The following DCBLD2 variants were observed in gnomAD, a reference collection of about 807,000 sequenced individuals.
DCBLD2 encodes discoidin, CUB and LCCL domain containing 2.
A neutral mutation model predicts 86.8 loss-of-function variants in DCBLD2; 54 were observed. That is an observed-to-expected ratio of 0.62 (90% CI 0.50 to 0.78). DCBLD2 has a LOEUF of 0.78. DCBLD2 is among the 30% of genes least tolerant of loss of function. The probability of loss-of-function intolerance (pLI) is 0.00; values close to 1 mark genes in which losing one functional copy is unlikely to be tolerated. For missense variants in DCBLD2, 908 were observed against 954.2 expected (o/e 0.95, Z 0.64); for synonymous variants, 354 against 341.3 (o/e 1.04, Z -0.41).
intron 2 of DCBLD2, among the ~76,000 whole-genome samples, chr3:98,880,508 C>T (rs370246028): frequency 6.6e-5 from 10 of 152,230 alleles, no homozygotes; most frequent in African/African-American, 2.2e-4. Context: ...TCCCAGGAAG[C>T]GTTTAAGATA....
rs148839492 is a variant in DCBLD2, at chr3:98,881,572, T to C, written c.401A>G (p.Tyr134Cys). The C allele has an allele frequency of 6.2e-7, 1 of 1,613,986 alleles. No homozygotes were observed. Among genetic ancestry groups the C allele is most frequent in the Non-Finnish European group, 8.5e-7 (1 of 1,179,888 alleles). Residue 134 changes from tyrosine to cysteine, a missense_variant, in exon 2 of 16, where the codon TAT becomes TGT. Physicochemically the swap from Tyr to Cys is radical, Grantham distance 194. Coordinates refer to ENST00000326840, the MANE Select transcript of DCBLD2 (RefSeq NM_080927.4). ...AGTTCTGCTGACTCCAATTCCATTA[T>C]AAATTCTCAAGTAATTAAAGTGACA... ...DSCHFNYLRIYNGIGVSRTEI... is the reference protein window; with the variant it reads ...DSCHFNYLRICNGIGVSRTEI...
At chr3:98,801,128 A>AG (rs889682329) in intron 14 of DCBLD2, among the ~76,000 whole-genome samples, 3 of 152,302 alleles carry the variant, frequency 2.0e-5, no homozygotes, top group South Asian at 2.1e-4. Flanking sequence ...AGAAACTGGT[A>AG]GGGGGGCCCC....
chr3:98,887,825 AC>A (rs1470917392), intron 1 of DCBLD2, among the ~76,000 whole-genome samples: 1 of 151,982 alleles, frequency 6.6e-6, no homozygotes, highest in Non-Finnish European at 1.5e-5. Context: ...TGATGAACCT[AC>A]ACTGACACAT....
intron 12 of DCBLD2, among the ~76,000 whole-genome samples, chr3:98,808,978 T>C (rs1354125852): frequency 6.6e-6 from 1 of 152,010 alleles, no homozygotes; most frequent in East Asian, 1.9e-4. Flanking sequence ...GAGAAAATAA[T>C]CCAGCAATTG....
chr3:98,889,734 A>G (rs1225588732), intron 1 of DCBLD2, among the ~76,000 whole-genome samples: 1 of 152,038 alleles, frequency 6.6e-6, no homozygotes, highest in Admixed American at 6.6e-5. Context: ...TACTCTATGG[A>G]CAGTTTTAAC....
intron 3 of DCBLD2, 60 bp from the exon 4 acceptor site, chr3:98,825,426 T>TCCAAA: frequency 1.6e-6 from 2 of 1,271,952 alleles, no homozygotes; most frequent in Non-Finnish European, 2.1e-6. Context: ...TTGCTGAAAC[T>TCCAAA]CCAAGTGTCT....
intron 1 of DCBLD2, among the ~76,000 whole-genome samples, chr3:98,894,075 A>G (rs148412138): frequency 1.3e-3 from 191 of 152,290 alleles, no homozygotes; most frequent in Non-Finnish European, 1.8e-3. Context: ...AAGATCACGG[A>G]AAGAGCATTG....
intron 1 of DCBLD2, among the ~76,000 whole-genome samples, chr3:98,893,812 G>A (rs1054109430): frequency 6.6e-6 from 1 of 152,166 alleles, no homozygotes; most frequent in Non-Finnish European, 1.5e-5. Flanking sequence ...AGAGGACAAG[G>A]TTTCAGTCAG....
chr3:98,876,763 C>T (rs1203275791), intron 2 of DCBLD2, among the ~76,000 whole-genome samples: 1 of 152,156 alleles, frequency 6.6e-6, no homozygotes, highest in Non-Finnish European at 1.5e-5. Context: ...GCAACCAATA[C>T]AACCATTCAT....
chr3:98,819,387 C>T lies in DCBLD2; in HGVS notation c.902G>A (p.Gly301Asp). The T allele has an allele frequency of 6.2e-7, 1 of 1,613,732 alleles. No individual in the cohort carries two copies. The highest frequency in any genetic ancestry group is 8.5e-7 in the Non-Finnish European group (1 of 1,179,732). ...GCYGTLGMES[G>D]VIADPQITAS... The stretch of plus-strand genomic sequence containing the variant: ...TGTTATTTGAGGATCCGCGATCACA[C>T]CAGACTCCATCCCCAGTGTTCCATA... The change falls in exon 8 of 16, where the codon GGT becomes GAT. Residue 301 changes from glycine to aspartate, a missense_variant. This residue lies in a region of DCBLD2 where 606 missense variants were observed against 678.5 expected (regional missense o/e 0.89). Transcript: ENST00000326840.
At chr3:98,803,285 T>A (rs1450656757) in intron 13 of DCBLD2, among the ~76,000 whole-genome samples, 3 of 152,336 alleles carry the variant, frequency 2.0e-5, no homozygotes, top group Non-Finnish European at 2.9e-5. Flanking sequence ...GTTGGATTCC[T>A]AGGTATTTTA....
At chr3:98,849,105 A>G (rs142256315) in intron 3 of DCBLD2, among the ~76,000 whole-genome samples, 264 of 151,558 alleles carry the variant, frequency 1.7e-3, no homozygotes, top group Admixed American at 6.4e-3. Flanking sequence ...GGAGGTGGAG[A>G]TTGCGGTGAG....
At chr3:98,832,854 G>T (rs1055247674) in intron 3 of DCBLD2, among the ~76,000 whole-genome samples, 1 of 152,080 alleles carries the variant, frequency 6.6e-6, no homozygotes, top group Non-Finnish European at 1.5e-5. Flanking sequence ...TTTCTCTCTA[G>T]CTGCCTTTAA....
Position 98,901,153 on chromosome 3 carries a change from GAGC to G in DCBLD2, c.171_173del (p.Leu61del). On this transcript the variant is annotated inframe_deletion, in exon 1 of 16. Coordinates refer to ENST00000326840, the MANE Select transcript of DCBLD2 (RefSeq NM_080927.4). ...GGGCTCCAGCGTCCTCGAGCAGCAG[GAGC>G]AGGACAAGTAAGAGCAGGAGGAACA... The G allele has an allele frequency of 1.3e-6, 2 of 1,538,922 alleles. No individual in the cohort carries two copies. Among genetic ancestry groups the G allele is most frequent in the Non-Finnish European group, 1.7e-6 (2 of 1,146,780 alleles).
chr3:98,807,327 T>A (rs1409597464), intron 13 of DCBLD2, among the ~76,000 whole-genome samples: 1 of 152,134 alleles, frequency 6.6e-6, no homozygotes, highest in African/African-American at 2.4e-5. Flanking sequence ...TAACCCCCGT[T>A]AGAAAGTGGG....
rs962769937 is a variant in DCBLD2, at chr3:98,866,120, C to T, written c.433+15420G>A. The stretch of plus-strand genomic sequence containing the variant: ...AATCCAGTCTATCATTGATGGACAT[C>T]TGGGTTGGTTCCAAGTCTTTGCTAT... On this transcript the variant is annotated intron_variant, in intron 2 of 15. Coordinates refer to ENST00000326840, the MANE Select transcript of DCBLD2 (RefSeq NM_080927.4). Among the ~76,000 whole-genome samples, 43 of 152,068 alleles carry T rather than the reference C, an allele frequency of 2.8e-4. No individual in the cohort carries two copies. In the Middle Eastern group the frequency reaches 0.01, roughly 36 times the overall value.
chr3:98,842,552 T>C (rs545027975), intron 3 of DCBLD2, among the ~76,000 whole-genome samples: 11 of 152,332 alleles, frequency 7.2e-5, no homozygotes, highest in African/African-American at 2.6e-4. Context: ...TTTTACATAC[T>C]GAGAGTGGAC....
chr3:98,817,292 G>A (rs184419537), intron 9 of DCBLD2, among the ~76,000 whole-genome samples: 56 of 152,252 alleles, frequency 3.7e-4, no homozygotes, highest in Admixed American at 2.3e-3. Flanking sequence ...AAAAACAGAA[G>A]TTTCCCAAGA....
At chr3:98,864,240 T>C (rs1943099749) in intron 2 of DCBLD2, among the ~76,000 whole-genome samples, 1 of 152,226 alleles carries the variant, frequency 6.6e-6, no homozygotes, top group South Asian at 2.1e-4. Context: ...ATAGGAACAC[T>C]TTTAAATTGT....
Sources: allele counts gnomAD v4.1 joint callset (sites outside exome capture counted in the v4.1 genomes callset), GRCh38; gene constraint gnomAD v4.1.1; regional missense constraint gnomAD v4.1.1; transcripts MANE v1.5; gene names NCBI Gene and HGNC (gene_info 2026-07-23, HGNC 2026-07-21).